The following LAMA5 variants were observed in gnomAD, a reference collection of about 807,000 sequenced individuals.
LAMA5 encodes the protein laminin subunit alpha-5.
LAMA5 carries 260 observed loss-of-function variants against 433.4 expected under a neutral mutation model. The observed-to-expected ratio is 0.60, with a 90% CI of 0.54 to 0.66. LAMA5 has a LOEUF of 0.66. Among genes scored for constraint, LAMA5 ranks in the 30% least tolerant of loss-of-function variants. LAMA5 has a pLI of 0.00. For synonymous variants in LAMA5, 2,620 were observed against 2,226.6 expected, an observed-to-expected ratio of 1.18 and a Z score of -4.97; for missense variants, 5,378 against 5,258.5, an observed-to-expected ratio of 1.02 and a Z score of -0.70.
chr20:62,309,486 A>C lies in LAMA5; in HGVS notation c.10949-11T>G, dbSNP rs1274312160. On this transcript the variant is annotated splice_polypyrimidine_tract_variant and intron_variant, in intron 79 of 79. Transcript: ENST00000252999. The stretch of plus-strand genomic sequence containing the variant: ...GCACGGCCATGGGCTCTGGGGGCAC[A>C]GGGAAGATGGAAGAAGGCTGGTTGG... 6.4e-7 allele frequency: 1 copy of C among 1,568,106 alleles called. No homozygotes were observed. The highest frequency in any genetic ancestry group is 1.2e-5 in the South Asian group (1 of 86,814).
In LAMA5 at chr20:62,318,648, G is replaced by C; in HGVS notation, c.7045C>G (p.Leu2349Val). Residue 2349 changes from leucine (L) to valine (V), a missense_variant and splice_region_variant, in exon 53 of 80, where the codon CTG (leucine) becomes GTG (valine). Physicochemically the swap from Leu to Val is conservative, Grantham distance 32. Transcript: ENST00000252999. ...EAELAAAQRL[L>V]ARVQEQLSSL... Reference sequence around the variant, plus strand: ...CTCAGCTGCTCCTGCACCCGGGCCAGCACTAGCCGAGACCAGGGTGAGGGT... The same window carrying C: ...CTCAGCTGCTCCTGCACCCGGGCCACCACTAGCCGAGACCAGGGTGAGGGT... 6.2e-7 allele frequency: 1 copy of C among 1,609,344 alleles called. No homozygotes were observed. The highest frequency in any genetic ancestry group is 1.1e-5 in the South Asian group (1 of 91,022).
rs1385204009 is a variant in LAMA5, at chr20:62,332,549, C to G, written c.3443+8G>C. On this transcript the variant is annotated splice_region_variant and intron_variant, in intron 27 of 79. Coordinates refer to ENST00000252999, the MANE Select transcript of LAMA5 (RefSeq NM_005560.6). ...GCCCTTACTCCAGCCCCACCGGCTC[C>G]CACTCACCTGTACAGGCAGGGGTGC... 1.9e-6 allele frequency: 3 copies of G among 1,599,580 alleles called. No homozygotes were observed. In the Admixed American group the frequency reaches 5.1e-5, roughly 27 times the overall value.
chr20:62,326,658 C>A lies in LAMA5; in HGVS notation c.5298+19G>T. The A allele has an allele frequency of 6.2e-7, 1 of 1,605,334 alleles. No individual in the cohort carries two copies. The highest frequency in any genetic ancestry group is 1.1e-5 in the South Asian group (1 of 90,832). On this transcript the variant is annotated intron_variant, in intron 40 of 79. Transcript: ENST00000252999. ...TGAGGTCCATGAGGGACCTGGGTGC[C>A]CAAGCCAGCTCCCCTCACCTCCACC...
At chr20:62,335,191 C>T (rs1236101796) in intron 19 of LAMA5, 26 bp downstream of exon 19, 1 of 1,612,764 alleles carries the variant, frequency 6.2e-7, no homozygotes, top group Non-Finnish European at 8.5e-7. Context: ...CCCCCAAATC[C>T]CCCACACCTT....
intron 1 of LAMA5, among the ~76,000 whole-genome samples, chr20:62,363,276 G>C (rs988912034): frequency 2.0e-5 from 3 of 152,176 alleles, no homozygotes; most frequent in Non-Finnish European, 4.4e-5. Context: ...TGGGCCTCCT[G>C]GCTGCTGCTT....
chr20:62,362,271 T>A (rs1295291097), intron 2 of LAMA5, 129 bp downstream of exon 2: 1 of 939,442 alleles, frequency 1.1e-6, no homozygotes, highest in African/African-American at 1.7e-5. Flanking sequence ...AAGTCCTTCG[T>A]GTCCAGCCTC....
intron 79 of LAMA5, 31 bp downstream of exon 79, chr20:62,309,685 C>G (rs1225411883): frequency 7.3e-7 from 1 of 1,361,058 alleles, no homozygotes; most frequent in Admixed American, 2.8e-5. Context: ...TGAGGGGCAG[C>G]TCCCCCACCC....
chr20:62,345,988 T>A lies in LAMA5; in HGVS notation c.1417+93A>T. The A allele has an allele frequency of 1.3e-6, 2 of 1,583,330 alleles. No individual in the cohort carries two copies. The highest frequency in any genetic ancestry group is 1.7e-6 in the Non-Finnish European group (2 of 1,158,280). ...AATCGGAGATGCAGGCAGGATAACA[T>A]GGTCCATCCCGGGGAACCCCTCCAC... On this transcript the variant is annotated intron_variant, in intron 10 of 79. Transcript: ENST00000252999.
At chr20:62,321,721 TGGGGTCA>T (rs1987821277) in intron 48 of LAMA5, among the ~76,000 whole-genome samples, 5 of 17,026 alleles carry the variant, frequency 2.9e-4, no homozygotes, top group South Asian at 2.3e-3. Context: ...AGCAGAGGGG[TGGGGTCA>T]GTGGAGGGGT....
At position 62,332,464 on chromosome 20, in the gene LAMA5, T is replaced by A; in HGVS notation, c.3460A>T (p.Thr1154Ser). The change falls in exon 28 of 80, where the codon ACT becomes TCT. Residue 1154 changes from threonine (T) to serine (S), a missense_variant. Thr to Ser is a moderately conservative substitution (Grantham distance 58, BLOSUM62 1). Coordinates refer to ENST00000252999, the MANE Select transcript of LAMA5 (RefSeq NM_005560.6). ...PCLYSTLCRG[T>S]ARDTQDHLAV... ...AGGTGGTCCTGGGTATCCCGGGCAG[T>A]GCCCCGGCACAGGGTGCTGTGGGGG... 6.2e-7 allele frequency: 1 copy of A among 1,612,450 alleles called. No homozygotes were observed. Among genetic ancestry groups the A allele is most frequent in the South Asian group, 1.1e-5 (1 of 91,066 alleles).
chr20:62,318,678 A>C, intron 52 of LAMA5, 28 bp from the exon 53 acceptor site: 2 of 1,603,308 alleles, frequency 1.2e-6, no homozygotes, highest in Non-Finnish European at 1.7e-6. Context: ...GAGGGTGGTC[A>C]CTCTGGAAGC....
At chr20:62,350,988 C>T (rs944418333) in intron 6 of LAMA5, 2 of 152,830 alleles carry the variant, frequency 1.3e-5, no homozygotes, top group African/African-American at 4.8e-5. Flanking sequence ...CCGGCCCTAC[C>T]TTACTGAGGA....
At position 62,328,390 on chromosome 20, in the gene LAMA5, C is replaced by T. The variant is rs200643051; in HGVS notation, c.4503G>A (p.Pro1501=). Residue 1501 remains proline (P), a synonymous_variant, in exon 35 of 80, where the codon CCG becomes CCA. Transcript: ENST00000252999. ...GGCAGTCGGGCGGGATGGTGCGTGG[C>T]GGGCAGATGCACTGGCCCGTGAGCT... The part of the protein sequence containing the change: ...CDELTGQCIC[P]PRTIPPDCLL... The T allele has an allele frequency of 9.2e-5, 144 of 1,557,166 alleles. 1 individual carries two copies. The highest frequency in any genetic ancestry group is 1.1e-4 in the Non-Finnish European group (126 of 1,150,158).
intron 11 of LAMA5, chr20:62,345,556 A>ATCAC: frequency 1.6e-6 from 1 of 617,056 alleles, no homozygotes; most frequent in African/African-American, 1.8e-5. Flanking sequence ...ACAGGCACAC[A>ATCAC]TCACTACACC....
Position 62,333,908 on chromosome 20 carries a change from G to A in LAMA5, c.2871C>T (p.Cys957=), listed in dbSNP as rs13044266. The A allele has an allele frequency of 0.89, 1,414,412 of 1,593,738 alleles. 638,564 individuals carry two copies. The highest frequency in any genetic ancestry group is 0.95 in the East Asian group (41,843 of 43,992). ...CCCAGGGACCCCACTCACAGTTGGC[G>A]CAGGTGGCCGACCTGCCCTCCTCTC... ...SVREEGRSAT[C]ANCTAQSQPV... The change falls in exon 23 of 80, where the codon TGC becomes TGT. Residue 957 remains cysteine, a synonymous_variant. Coordinates refer to ENST00000252999, the MANE Select transcript of LAMA5 (RefSeq NM_005560.6).
intron 70 of LAMA5, 32 bp from the exon 71 acceptor site, chr20:62,311,816 T>TTGGGCCCCCCCCCCCC: frequency 6.6e-7 from 1 of 1,521,010 alleles, no homozygotes; most frequent in Non-Finnish European, 8.9e-7. Context: ...GCTCGGTTTT[T>TTGGGCCCCCCCCCCCC]CCCCACCCTG....
chr20:62,353,090 C>CCCCCCT (rs1984610307), intron 3 of LAMA5, 44 bp downstream of exon 3: 2 of 1,394,348 alleles, frequency 1.4e-6, no homozygotes, highest in Admixed American at 4.1e-5. Flanking sequence ...TGCCCAGGGA[C>CCCCCCT]CCCCCTGCCT....
Position 62,314,630 on chromosome 20 carries a change from G to A in LAMA5, c.8292C>T (p.Phe2764=). ...ADLAAYTALK[F]YLQGPEPEPG... is the part of the protein sequence containing the mutation. ...GCTCAGGCTCTGGGCCCTGCAGGTA[G>A]AACTTGAGGGCAGTGTAGGCAGCAA... Residue 2764 remains phenylalanine (F), a synonymous_variant, in exon 61 of 80, where the codon TTC becomes TTT. Transcript: ENST00000252999. The A allele has an allele frequency of 1.9e-6, 3 of 1,612,588 alleles. No individual in the cohort carries two copies. The highest frequency in any genetic ancestry group is 1.1e-5 in the South Asian group (1 of 91,086).
In LAMA5 at chr20:62,318,445, G is replaced by A; in HGVS notation, c.7239+9C>T. On this transcript the variant is annotated intron_variant, in intron 53 of 79. Transcript: ENST00000252999. ...GGAGCAGGAGGAAGAACAAGTCCGG[G>A]GTCCTCACCAGGGCTTCCTCCAGGC... 1 of 1,596,432 alleles carries A rather than the reference G, an allele frequency of 6.3e-7. No homozygotes were observed. Among genetic ancestry groups the A allele is most frequent in the Non-Finnish European group, 8.5e-7 (1 of 1,175,300 alleles).
Sources: gnomAD v4.1 joint callset for allele counts (sites outside exome capture counted in the v4.1 genomes callset) on GRCh38, gnomAD v4.1.1 for gene constraint, MANE v1.5 for transcripts, NCBI Gene and HGNC (gene_info 2026-07-23, HGNC 2026-07-21) for gene names.